KCNQ3: variants seen among roughly 807,000 people sequenced by gnomAD.
KCNQ3 encodes the protein potassium voltage-gated channel subfamily Q member 3, also known as potassium voltage-gated channel subfamily KQT member 3.
KCNQ3 carries 30 observed loss-of-function variants against 92.5 expected under a neutral mutation model. The observed-to-expected ratio is 0.32, with a 90% CI of 0.24 to 0.44. KCNQ3 has a LOEUF of 0.44. KCNQ3 is among the 20% of genes least tolerant of loss of function. The pLI is 1.00. For missense variants in KCNQ3, 913 were observed against 1,140.3 expected, an observed-to-expected ratio of 0.80 and a Z score of 2.87; for synonymous variants, 450 against 468.8, an observed-to-expected ratio of 0.96 and a Z score of 0.52.
chr8:132,280,410 G>C (rs991899281), intron 1 of KCNQ3, among the ~76,000 whole-genome samples: 2 of 152,214 alleles, frequency 1.3e-5, no homozygotes, highest in Admixed American at 1.3e-4. Context: ...AGCAGCAGGA[G>C]CAGGCATCTC....
chr8:132,454,935 C>G (rs933333819), intron 1 of KCNQ3, among the ~76,000 whole-genome samples: 4 of 152,102 alleles, frequency 2.6e-5, no homozygotes, highest in African/African-American at 9.7e-5. Context: ...AACAAATATT[C>G]TATGATTCCA....
At position 132,134,369 on chromosome 8, in the gene KCNQ3, G is replaced by T. The variant is rs74582884; in HGVS notation, c.1720C>A (p.Pro574Thr). 4.8e-5 allele frequency: 77 copies of T among 1,612,832 alleles called. No homozygotes were observed. Among genetic ancestry groups the T allele is most frequent in the Non-Finnish European group, 6.1e-5 (72 of 1,179,014 alleles). ...LQTRIDMIFT[P>T]GPPSTPKHKK... ...TGTTTTGGCGTGGAGGGAGGTCCAG[G>T]GGTGAAAATCATATCTATTCTGAAA... The change falls in exon 13 of 15, where the codon CCT becomes ACT. Residue 574 changes from proline to threonine, a missense_variant. Physicochemically the swap from Pro to Thr is conservative, Grantham distance 38. Coordinates refer to ENST00000388996, the MANE Select transcript of KCNQ3 (RefSeq NM_004519.4).
intron 1 of KCNQ3, among the ~76,000 whole-genome samples, chr8:132,332,121 C>T (rs1045254536): frequency 6.6e-6 from 1 of 152,186 alleles, no homozygotes; most frequent in Admixed American, 6.5e-5. Flanking sequence ...TCTTGGGGGC[C>T]TCCTTGCATG....
chr8:132,403,045 G>T (rs1227318127), intron 1 of KCNQ3, among the ~76,000 whole-genome samples: 2 of 105,888 alleles, frequency 1.9e-5, no homozygotes, highest in Non-Finnish European at 3.7e-5. Flanking sequence ...GTCAATATTG[G>T]TATGTCAATT....
chr8:132,245,297 C>A (rs901631969), intron 1 of KCNQ3, among the ~76,000 whole-genome samples: 5 of 152,140 alleles, frequency 3.3e-5, no homozygotes, highest in Non-Finnish European at 5.9e-5. Context: ...TGCACATCAT[C>A]CCCTGCAGTT....
intron 1 of KCNQ3, among the ~76,000 whole-genome samples, chr8:132,244,920 CAA>C (rs35215337): frequency 0.012 from 1,391 of 112,342 alleles, 14 homozygotes; most frequent in African/African-American, 0.043. Flanking sequence ...CTCACTTGAC[CAA>C]AAAAAAAAAA....
chr8:132,446,105 A>C (rs1022082822), intron 1 of KCNQ3, among the ~76,000 whole-genome samples: 13 of 152,114 alleles, frequency 8.5e-5, no homozygotes, highest in African/African-American at 2.9e-4. Flanking sequence ...CCCAGAAGGG[A>C]TAAGCTGGGT....
At chr8:132,139,934 T>G in intron 11 of KCNQ3, 142 bp downstream of exon 11, 1 of 633,158 alleles carries the variant, frequency 1.6e-6, no homozygotes, top group South Asian at 1.9e-5. Flanking sequence ...TTTACATACT[T>G]CAGGGACCTA....
At chr8:132,433,257 A>C (rs887922852) in intron 1 of KCNQ3, among the ~76,000 whole-genome samples, 1 of 152,074 alleles carries the variant, frequency 6.6e-6, no homozygotes, top group Non-Finnish European at 1.5e-5. Flanking sequence ...AGCCCCTCCC[A>C]GTTCCTAATT....
intron 1 of KCNQ3, among the ~76,000 whole-genome samples, chr8:132,236,282 C>T (rs1437623892): frequency 2.0e-5 from 3 of 152,152 alleles, no homozygotes; most frequent in South Asian, 2.1e-4. Context: ...TTTAAAAACG[C>T]TTTCCTAGGA....
intron 1 of KCNQ3, among the ~76,000 whole-genome samples, chr8:132,431,980 A>G (rs1334794291): frequency 6.6e-6 from 1 of 152,220 alleles, no homozygotes; most frequent in East Asian, 1.9e-4. Flanking sequence ...TCTAGGCATC[A>G]ATATTGGCTT....
chr8:132,194,412 G>C (rs952010006), intron 1 of KCNQ3, among the ~76,000 whole-genome samples: 2 of 152,162 alleles, frequency 1.3e-5, no homozygotes, highest in East Asian at 3.9e-4. Context: ...TATTTTCTAT[G>C]AGTCAGCCCC....
chr8:132,313,512 G>T (rs1817655873), intron 1 of KCNQ3, among the ~76,000 whole-genome samples: 2 of 151,982 alleles, frequency 1.3e-5, no homozygotes, highest in South Asian at 2.1e-4. Context: ...TGCTACAAGG[G>T]TTTAGAGTCA....
chr8:132,312,928 T>A (rs917712509), intron 1 of KCNQ3, among the ~76,000 whole-genome samples: 1 of 152,214 alleles, frequency 6.6e-6, no homozygotes, highest in Non-Finnish European at 1.5e-5. Context: ...ACAAATGGAC[T>A]TCTTAGAAAT....
chr8:132,354,315 T>A (rs1818955505), intron 1 of KCNQ3, among the ~76,000 whole-genome samples: 1 of 152,172 alleles, frequency 6.6e-6, no homozygotes, highest in African/African-American at 2.4e-5. Context: ...ATACATACAC[T>A]AGCATGCTAA....
Position 132,134,803 on chromosome 8 carries a change from T to C in KCNQ3, c.1701-415A>G, listed in dbSNP as rs539811318. 6.6e-5 allele frequency among the ~76,000 whole-genome samples: 10 copies of C among 152,202 alleles called. No homozygotes were observed. The East Asian group carries it at 1.7e-3, about 27-fold the overall frequency. ...AGGTGGACTGCAAACCTGTCTTTTC[T>C]TCCAATTCTTCTATCCCTTCCAAAA... On this transcript the variant is annotated intron_variant, in intron 12 of 14. Transcript: ENST00000388996.
At chr8:132,395,251 T>C (rs1820162732) in intron 1 of KCNQ3, among the ~76,000 whole-genome samples, 1 of 152,256 alleles carries the variant, frequency 6.6e-6, no homozygotes, top group African/African-American at 2.4e-5. Context: ...CAAACATTTA[T>C]GATTTCTTTG....
chr8:132,278,453 T>C (rs1257765746), intron 1 of KCNQ3, among the ~76,000 whole-genome samples: 3 of 152,234 alleles, frequency 2.0e-5, no homozygotes, highest in Admixed American at 1.3e-4. Flanking sequence ...CTAGTGATCC[T>C]TGGGCAGTAA....
intron 1 of KCNQ3, among the ~76,000 whole-genome samples, chr8:132,369,998 T>C (rs1448268273): frequency 6.6e-6 from 1 of 152,208 alleles, no homozygotes; most frequent in African/African-American, 2.4e-5. Flanking sequence ...CTGTTCTCTC[T>C]TGCTGGAATT....
Sources: gnomAD v4.1 joint callset for allele counts (sites outside exome capture counted in the v4.1 genomes callset) on GRCh38, gnomAD v4.1.1 for gene constraint, MANE v1.5 for transcripts, NCBI Gene and HGNC (gene_info 2026-07-23, HGNC 2026-07-21) for gene names.